GTF2A1L: variants seen among roughly 807,000 people sequenced by gnomAD.
GTF2A1L encodes the protein TFIIA-alpha and beta-like factor.
Under a neutral mutation model 49.7 loss-of-function variants are expected in GTF2A1L, and 48 were observed. The ratio of observed to expected loss-of-function variants is 0.97; its 90% CI spans 0.77 to 1.23. The LOEUF is 1.23. GTF2A1L is among the 50% of genes most tolerant of loss of function. GTF2A1L has a pLI of 0.00. For missense variants in GTF2A1L, 736 were observed against 564.8 expected (o/e 1.30, Z -3.07); for synonymous variants, 246 against 193.5 (o/e 1.27, Z -2.25).
At chr2:48,666,435 T>G (rs764200833) in intron 6 of GTF2A1L, among the ~76,000 whole-genome samples, 4 of 152,180 alleles carry the variant, frequency 2.6e-5, no homozygotes, top group Non-Finnish European at 4.4e-5. Flanking sequence ...GGTCTTGAAC[T>G]CCTGACCTTG....
intron 6 of GTF2A1L, among the ~76,000 whole-genome samples, chr2:48,655,237 T>C (rs536760126): frequency 2.8e-4 from 42 of 152,260 alleles, no homozygotes; most frequent in South Asian, 8.3e-4. Flanking sequence ...AAATATTTCA[T>C]GGTTTTTGGT....
rs1037668940 is a variant in GTF2A1L at position 48,662,718 on chromosome 2, C to T, written c.979-7004C>T. On this transcript the variant is annotated intron_variant, in intron 6 of 8. Transcript: ENST00000403751. ...CCACTGCCTTGTGGTCTTCAAACTT[C>T]GGCTGAGGAATCTGCCAAAACACTT... 4.0e-5 allele frequency among the ~76,000 whole-genome samples: 6 copies of T among 149,036 alleles called. No individual in the cohort carries two copies. In the South Asian group the frequency reaches 6.4e-4, roughly 16 times the overall value.
intron 3 of GTF2A1L, among the ~76,000 whole-genome samples, chr2:48,631,095 T>G (rs1218991877): frequency 2.0e-5 from 3 of 152,120 alleles, no homozygotes; most frequent in Non-Finnish European, 4.4e-5. Context: ...TTATCATGTC[T>G]TTTTCAGGTT....
chr2:48,624,522 T>C (rs774313301), intron 3 of GTF2A1L, among the ~76,000 whole-genome samples: 2 of 144,348 alleles, frequency 1.4e-5, no homozygotes, highest in East Asian at 3.9e-4. Context: ...AATTAACATA[T>C]CTGTCATCTC....
chr2:48,643,172 C>T (rs999941413), intron 4 of GTF2A1L, among the ~76,000 whole-genome samples: 3 of 151,976 alleles, frequency 2.0e-5, no homozygotes, highest in Admixed American at 2.0e-4. Context: ...TTTAATTAAA[C>T]TGGAATATTT....
At chr2:48,648,924 C>T (rs1480634883) in intron 6 of GTF2A1L, among the ~76,000 whole-genome samples, 1 of 152,092 alleles carries the variant, frequency 6.6e-6, no homozygotes, top group Non-Finnish European at 1.5e-5. Context: ...TTTTCAAAGA[C>T]TTTACAAGTA....
chr2:48,636,134 C>T (rs1208153318), intron 3 of GTF2A1L, among the ~76,000 whole-genome samples: 1 of 152,156 alleles, frequency 6.6e-6, no homozygotes, highest in Non-Finnish European at 1.5e-5. Context: ...AAAGCTCAAA[C>T]CATTGATCTT....
intron 1 of GTF2A1L, among the ~76,000 whole-genome samples, chr2:48,620,397 A>C (rs955068826): frequency 3.3e-5 from 5 of 152,244 alleles, no homozygotes; most frequent in African/African-American, 1.2e-4. Context: ...AGGAATGTAC[A>C]TAGTAAAAGT....
chr2:48,663,812 A>G (rs1032081356), intron 6 of GTF2A1L, among the ~76,000 whole-genome samples: 25 of 151,966 alleles, frequency 1.6e-4, no homozygotes, highest in African/African-American at 4.8e-4. Flanking sequence ...GCTAATTTTT[A>G]GTAGAGATAA....
chr2:48,663,382 A>C (rs368151008), intron 6 of GTF2A1L, among the ~76,000 whole-genome samples: 3 of 152,106 alleles, frequency 2.0e-5, no homozygotes, highest in African/African-American at 7.2e-5. Flanking sequence ...GCTGCAGTAA[A>C]CTGAGATTGG....
rs1192036826 is a variant in GTF2A1L, at chr2:48,618,911, A to G, written c.21+1016A>G. On this transcript the variant is annotated intron_variant, in intron 1 of 8. Transcript: ENST00000403751. ...ACTGTGTTCTAATGGGTACTTTTTG[A>G]CTACTGCTGTGTTAAGATTTTTTAG... 3.3e-5 allele frequency among the ~76,000 whole-genome samples: 5 copies of G among 152,168 alleles called. No individual in the cohort carries two copies. In the East Asian group the frequency reaches 9.6e-4, roughly 29 times the overall value.
intron 3 of GTF2A1L, among the ~76,000 whole-genome samples, chr2:48,638,480 C>T (rs114515474): frequency 1.1e-3 from 172 of 152,204 alleles, no homozygotes; most frequent in African/African-American, 4.0e-3. Context: ...AAACCAAATG[C>T]TTATCTCAAT....
intron 6 of GTF2A1L, among the ~76,000 whole-genome samples, chr2:48,663,896 A>G (rs1272848747): frequency 6.6e-6 from 1 of 152,210 alleles, no homozygotes; most frequent in African/African-American, 2.4e-5. Context: ...TACAGGCATA[A>G]GCCACCACAC....
intron 6 of GTF2A1L, among the ~76,000 whole-genome samples, chr2:48,657,251 C>T (rs79506265): frequency 0.026 from 4,012 of 152,238 alleles, 157 homozygotes; most frequent in African/African-American, 0.09. Flanking sequence ...CTTGCCCTCA[C>T]TTCCCCTTCT....
chr2:48,650,473 G>A (rs1017156942), intron 6 of GTF2A1L, among the ~76,000 whole-genome samples: 1 of 152,044 alleles, frequency 6.6e-6, no homozygotes, highest in Non-Finnish European at 1.5e-5. Flanking sequence ...GGAGTGAGAG[G>A]ATAAGAGAAT....
chr2:48,647,143 T>C lies in GTF2A1L; in HGVS notation c.978+101T>C, dbSNP rs150429802. On this transcript the variant is annotated intron_variant, in intron 6 of 8. Coordinates refer to ENST00000403751, the MANE Select transcript of GTF2A1L (RefSeq NM_006872.5). The stretch of plus-strand genomic sequence containing the variant: ...AGCTGTAATGTTAATCAGAATTATA[T>C]ATATTTTGTTTTTTTCTTTAGAAGA... 2.1e-3 allele frequency: 2,350 copies of C among 1,112,220 alleles called. 51 individuals are homozygous for C. Among genetic ancestry groups the C allele is most frequent in the Non-Finnish European group, 1.6e-4 (130 of 824,302 alleles). The allele number at this position is 1,112,220 out of a possible 1,614,324, so 68.9% of individuals were successfully genotyped here.
At chr2:48,626,272 G>T (rs777827288) in intron 3 of GTF2A1L, among the ~76,000 whole-genome samples, 3 of 143,222 alleles carry the variant, frequency 2.1e-5, no homozygotes, top group Non-Finnish European at 1.6e-5. Context: ...ATTACTACAG[G>T]TTTGCAATAT....
chr2:48,663,901 C>T (rs1678661186), intron 6 of GTF2A1L, among the ~76,000 whole-genome samples: 1 of 152,162 alleles, frequency 6.6e-6, no homozygotes, highest in South Asian at 2.1e-4. Context: ...GCATAAGCCA[C>T]CACACCTGGT....
Position 48,646,677 on chromosome 2 carries a change from G to C in GTF2A1L, c.613G>C (p.Val205Leu). The C allele has an allele frequency of 1.9e-6, 3 of 1,614,176 alleles. No homozygotes were observed. The highest frequency in any genetic ancestry group is 1.7e-4 in the Middle Eastern group (1 of 6,060). The change falls in exon 6 of 9, where the codon GTA becomes CTA. Residue 205 changes from valine to leucine, a missense_variant. By Grantham distance (32) the Val-to-Leu change is conservative. Coordinates refer to ENST00000403751, the MANE Select transcript of GTF2A1L (RefSeq NM_006872.5). Reference protein sequence around the residue: ...QQPAILPSGPVDRKHLENATS... With the variant: ...QQPAILPSGPLDRKHLENATS... Reference sequence around the variant, plus strand: ...ACCCGCAATTCTACCTTCTGGGCCAGTAGATAGGAAACACTTAGAAAATGC... The same window carrying C: ...ACCCGCAATTCTACCTTCTGGGCCACTAGATAGGAAACACTTAGAAAATGC...
Sources: allele counts gnomAD v4.1 joint callset (sites outside exome capture counted in the v4.1 genomes callset), GRCh38; gene constraint gnomAD v4.1.1; transcripts MANE v1.5; gene names NCBI Gene and HGNC (gene_info 2026-07-23, HGNC 2026-07-21).